The following PHYHIPL variants were observed in gnomAD, a reference collection of about 807,000 sequenced individuals.
PHYHIPL encodes the protein phytanoyl-CoA hydroxylase-interacting protein-like.
In PHYHIPL, 9 loss-of-function variants were observed where a neutral mutation model predicts 33.4. The ratio of observed to expected loss-of-function variants is 0.27; its 90% CI spans 0.16 to 0.47. The LOEUF is 0.47. Ranked by LOEUF, PHYHIPL falls within the 20% of genes least tolerant of loss-of-function variation. The pLI, the probability that PHYHIPL is intolerant of heterozygous loss-of-function variation, is 0.99. For missense variants in PHYHIPL, 365 were observed against 460.7 expected (o/e 0.79, Z 1.90); for synonymous variants, 153 against 154.1 (o/e 0.99, Z 0.05).
chr10:59,245,356 G>C lies in PHYHIPL; in HGVS notation c.896G>C (p.Arg299Pro). 6.2e-7 allele frequency: 1 copy of C among 1,614,056 alleles called. No individual in the cohort carries two copies. The highest frequency in any genetic ancestry group is 8.5e-7 in the Non-Finnish European group (1 of 1,180,012). Reference protein sequence around the residue: ...GSPGDEFCKQRLPQLNSKDNK... With the variant: ...GSPGDEFCKQPLPQLNSKDNK... The stretch of plus-strand genomic sequence containing the variant: ...CCAGGAGATGAATTTTGTAAGCAGC[G>C]CCTTCCTCAACTAAATTCTAAGGAT... The change falls in exon 5 of 5, where the codon CGC becomes CCC. Residue 299 changes from arginine (R) to proline (P), a missense_variant. Coordinates refer to ENST00000373880, the MANE Select transcript of PHYHIPL (RefSeq NM_032439.4).
At chr10:59,204,790 T>C (rs1839238665) in intron 1 of PHYHIPL, among the ~76,000 whole-genome samples, 1 of 152,094 alleles carries the variant, frequency 6.6e-6, no homozygotes, top group Admixed American at 6.5e-5. Flanking sequence ...CATGTGTTTA[T>C]CATTCACTCA....
At chr10:59,220,022 A>G (rs1272505017) in intron 1 of PHYHIPL, among the ~76,000 whole-genome samples, 3 of 152,126 alleles carry the variant, frequency 2.0e-5, no homozygotes, top group East Asian at 1.9e-4. Context: ...CCTAAGTTCA[A>G]TGTAGCTTCT....
At chr10:59,178,830 C>A (rs984306256) in intron 1 of PHYHIPL, among the ~76,000 whole-genome samples, 4 of 152,058 alleles carry the variant, frequency 2.6e-5, no homozygotes, top group Non-Finnish European at 4.4e-5. Context: ...TTAGTTGTTT[C>A]TTTTCAAATT....
intron 1 of PHYHIPL, among the ~76,000 whole-genome samples, chr10:59,185,279 C>T (rs1177274374): frequency 7.9e-5 from 12 of 152,218 alleles, no homozygotes; most frequent in Non-Finnish European, 1.3e-4. Flanking sequence ...CATGAGCCAC[C>T]GCGCCCGGCC....
intron 1 of PHYHIPL, among the ~76,000 whole-genome samples, chr10:59,191,355 T>G (rs1324500067): frequency 1.3e-5 from 2 of 152,014 alleles, no homozygotes; most frequent in Non-Finnish European, 2.9e-5. Flanking sequence ...CTCACTCATT[T>G]AACATTTGTT....
intron 1 of PHYHIPL, chr10:59,177,751 A>C: frequency 3.7e-6 from 4 of 1,092,966 alleles, no homozygotes; most frequent in Non-Finnish European, 5.4e-6. Context: ...CGGTGTGGTT[A>C]GTTACAGTGC....
chr10:59,241,701 T>C (rs1426758657), intron 4 of PHYHIPL, among the ~76,000 whole-genome samples: 1 of 152,192 alleles, frequency 6.6e-6, no homozygotes, highest in African/African-American at 2.4e-5. Flanking sequence ...ATTTTGTTAA[T>C]GAGAATGTAA....
In PHYHIPL at chr10:59,245,614, T is replaced by TCAGCC. The variant is rs771292594; in HGVS notation, c.*25_*29dup. ...TAATGCCCACTTTTCTTATTCTTAC[T>TCAGCC]CAGCCCCTTTTCCTCCCTTAGGAGC... On this transcript the variant is annotated 3_prime_UTR_variant, in exon 5 of 5. Transcript: ENST00000373880. The TCAGCC allele has an allele frequency of 1.3e-6, 2 of 1,557,118 alleles. No individual in the cohort carries two copies. The highest frequency in any genetic ancestry group is 1.4e-5 in the African/African-American group (1 of 73,194).
intron 1 of PHYHIPL, among the ~76,000 whole-genome samples, chr10:59,217,111 A>C (rs1053332054): frequency 6.6e-6 from 1 of 152,124 alleles, no homozygotes; most frequent in East Asian, 1.9e-4. Flanking sequence ...GTTAAGTGAT[A>C]GTATACTAGA....
At chr10:59,230,705 T>G (rs183120868) in intron 1 of PHYHIPL, among the ~76,000 whole-genome samples, 1 of 152,180 alleles carries the variant, frequency 6.6e-6, no homozygotes. Context: ...CCTGACGACA[T>G]GTGCCCAAGG....
chr10:59,244,342 G>A (rs549399299), intron 4 of PHYHIPL, among the ~76,000 whole-genome samples: 240 of 152,000 alleles, frequency 1.6e-3, no homozygotes, highest in Middle Eastern at 0.01. Context: ...CGAGGTGGGC[G>A]GATCACAAGG....
chr10:59,229,384 G>T (rs984216219), intron 1 of PHYHIPL, among the ~76,000 whole-genome samples: 1 of 152,112 alleles, frequency 6.6e-6, no homozygotes, highest in African/African-American at 2.4e-5. Flanking sequence ...TTTCTATTGT[G>T]TAATATGGCC....
At chr10:59,226,716 T>C (rs1379175493) in intron 1 of PHYHIPL, among the ~76,000 whole-genome samples, 1 of 152,216 alleles carries the variant, frequency 6.6e-6, no homozygotes, top group Non-Finnish European at 1.5e-5. Flanking sequence ...AAAGTAAAAG[T>C]ATTTCAGTTT....
chr10:59,194,991 G>T (rs572707044), intron 1 of PHYHIPL, among the ~76,000 whole-genome samples: 1 of 152,038 alleles, frequency 6.6e-6, no homozygotes, highest in Non-Finnish European at 1.5e-5. Flanking sequence ...CTTGTGAAAT[G>T]TCAAAAACAT....
Position 59,247,569 on chromosome 10 carries a change from T to C in PHYHIPL, c.*1978T>C. 1 of 1,610,410 alleles carries C rather than the reference T, an allele frequency of 6.2e-7. No homozygotes were observed. Among genetic ancestry groups the C allele is most frequent in the South Asian group, 1.1e-5 (1 of 90,278 alleles). Reference sequence around the variant, plus strand: ...CAAGGATGGCAGAGGAAAATAAACTTTACTTTATATCATGGGTGAAAGTGA... The same window carrying C: ...CAAGGATGGCAGAGGAAAATAAACTCTACTTTATATCATGGGTGAAAGTGA... On this transcript the variant is annotated 3_prime_UTR_variant, in exon 5 of 5. Coordinates refer to ENST00000373880, the MANE Select transcript of PHYHIPL (RefSeq NM_032439.4).
chr10:59,179,798 G>A (rs1263885751), intron 1 of PHYHIPL, among the ~76,000 whole-genome samples: 1 of 150,924 alleles, frequency 6.6e-6, no homozygotes, highest in Admixed American at 6.6e-5. Context: ...ATGGGTTAGA[G>A]TCCACATGGT....
chr10:59,214,759 A>C (rs1839563515), intron 1 of PHYHIPL, among the ~76,000 whole-genome samples: 1 of 152,080 alleles, frequency 6.6e-6, no homozygotes, highest in African/African-American at 2.4e-5. Flanking sequence ...TACTTCTATC[A>C]AATGAAAAAG....
intron 1 of PHYHIPL, among the ~76,000 whole-genome samples, chr10:59,185,837 T>C (rs1838581810): frequency 6.6e-6 from 1 of 152,242 alleles, no homozygotes; most frequent in Non-Finnish European, 1.5e-5. Flanking sequence ...GTAAATTTGT[T>C]TGAGTTCATT....
At chr10:59,186,406 T>C (rs1838603865) in intron 1 of PHYHIPL, among the ~76,000 whole-genome samples, 1 of 152,240 alleles carries the variant, frequency 6.6e-6, no homozygotes, top group African/African-American at 2.4e-5. Flanking sequence ...GCATGATGCC[T>C]CCAGCTTTGT....
Sources: gnomAD v4.1 joint callset for allele counts (sites outside exome capture counted in the v4.1 genomes callset) on GRCh38, gnomAD v4.1.1 for gene constraint, MANE v1.5 for transcripts, NCBI Gene and HGNC (gene_info 2026-07-23, HGNC 2026-07-21) for gene names.